The following SLC15A4 variants were observed in gnomAD, a reference collection of about 807,000 sequenced individuals.
SLC15A4 encodes the protein hPHT1.
SLC15A4 carries 26 observed loss-of-function variants against 46.1 expected under a neutral mutation model. The ratio of observed to expected loss-of-function variants is 0.56; its 90% confidence interval spans 0.41 to 0.78. The LOEUF is 0.78. Ranked by LOEUF, SLC15A4 falls within the 30% of genes least tolerant of loss-of-function variation. The pLI, the probability that SLC15A4 is intolerant of heterozygous loss-of-function variation, is 0.00. For missense variants in SLC15A4, 751 were observed against 755.7 expected (o/e 0.99, Z 0.07); for synonymous variants, 370 against 333.4 (o/e 1.11, Z -1.20).
chr12:128,807,564 T>TG (rs1955604833), intron 5 of SLC15A4, among the ~76,000 whole-genome samples: 1 of 152,132 alleles, frequency 6.6e-6, no homozygotes, highest in African/African-American at 2.4e-5. Context: ...GCCTGCGCTT[T>TG]GGGGAGGTAG....
rs1955420217 is a variant in SLC15A4 at position 128,794,277 on chromosome 12, G to A, written c.1653C>T (p.Leu551=). Residue 551 remains leucine, a synonymous_variant, in exon 8 of 8, where the codon CTC becomes CTT. Coordinates refer to ENST00000266771, the MANE Select transcript of SLC15A4 (RefSeq NM_145648.4). ...AIQGATLLLF[L]IISVKYDHHR... ...GATGGTCATATTTCACAGAAATAAT[G>A]AGGAAAAGCAGGAGGGTAGCTCCTT... 1 of 1,613,900 alleles carries A rather than the reference G, an allele frequency of 6.2e-7. No individual in the cohort carries two copies. Among genetic ancestry groups the A allele is most frequent in the South Asian group, 1.1e-5 (1 of 91,088 alleles).
intron 7 of SLC15A4, among the ~76,000 whole-genome samples, chr12:128,797,051 C>G (rs181042760): frequency 5.0e-4 from 76 of 152,262 alleles, no homozygotes; most frequent in Middle Eastern, 3.4e-3. Context: ...GGCCTCTTCA[C>G]AGACAGAAGG....
chr12:128,797,379 A>T (rs1955458606), intron 7 of SLC15A4, among the ~76,000 whole-genome samples: 1 of 127,156 alleles, frequency 7.9e-6, no homozygotes, highest in South Asian at 2.7e-4. Context: ...GGAATAGAAC[A>T]GGTTTACCTT....
In SLC15A4 at chr12:128,815,008, G is replaced by C. The variant is rs1238903523; in HGVS notation, c.609C>G (p.Asn203Lys). ...RFFNWFYWSI[N>K]LGAILSLGGI... ...CACCTAACGACAGGATCGCTCCCAGGTTAATGCTCCAATAAAACCAATTAA... is the reference window on the plus strand; with the variant it reads ...CACCTAACGACAGGATCGCTCCCAGCTTAATGCTCCAATAAAACCAATTAA... Residue 203 changes from asparagine (N) to lysine (K), a missense_variant, in exon 2 of 8, where the codon AAC becomes AAG. Physicochemically the swap from Asn to Lys is moderately conservative, Grantham distance 94. Coordinates refer to ENST00000266771, the MANE Select transcript of SLC15A4 (RefSeq NM_145648.4). 1 of 1,614,042 alleles carries C rather than the reference G, an allele frequency of 6.2e-7. No individual in the cohort carries two copies.
intron 5 of SLC15A4, 145 bp downstream of exon 5, chr12:128,808,643 T>G (rs1297678109): frequency 4.2e-6 from 3 of 715,250 alleles, no homozygotes; most frequent in Non-Finnish European, 6.9e-6. Flanking sequence ...AAAGGATTAG[T>G]GCTGTAAAAT....
chr12:128,795,756 G>A (rs1048998394), intron 7 of SLC15A4, among the ~76,000 whole-genome samples: 5 of 152,216 alleles, frequency 3.3e-5, no homozygotes, highest in South Asian at 2.1e-4. Context: ...CTTTTAGCTC[G>A]TCATGACTGG....
In SLC15A4 at chr12:128,800,927, G is replaced by A. The variant is rs138042982; in HGVS notation, c.1341C>T (p.Ala447=). ...GCACCTGCCACCACAGCGACAGATC[G>A]GCAGCATGGTAGACGACGTTGCCGA... is the stretch of plus-strand genomic sequence containing the variant. ...QTIGNVVYHA[A]DLSLWWQVPQ... is the part of the protein sequence containing the mutation. The change falls in exon 6 of 8, where the codon GCC becomes GCT. Residue 447 remains alanine (A), a synonymous_variant. Transcript: ENST00000266771. 2.5e-4 allele frequency: 399 copies of A among 1,614,136 alleles called. 1 individual carries two copies. Among genetic ancestry groups the A allele is most frequent in the Non-Finnish European group, 3.0e-4 (351 of 1,180,016 alleles).
In SLC15A4 at chr12:128,814,838, A is replaced by G; in HGVS notation, c.779T>C (p.Met260Thr). Reference sequence around the variant, plus strand: ...GCAGGAATACGTCAGTATCTTGAACATGTCGGTGAAGGCACTGCCATCAGG... The same window carrying G: ...GCAGGAATACGTCAGTATCTTGAACGTGTCGGTGAAGGCACTGCCATCAGG... ...KPPDGSAFTDMFKILTYSCCS... is the reference protein window; with the variant it reads ...KPPDGSAFTDTFKILTYSCCS... The change falls in exon 2 of 8, where the codon ATG becomes ACG. Residue 260 changes from methionine to threonine, a missense_variant. Coordinates refer to ENST00000266771, the MANE Select transcript of SLC15A4 (RefSeq NM_145648.4). 1 of 1,614,208 alleles carries G rather than the reference A, an allele frequency of 6.2e-7. No homozygotes were observed. Among genetic ancestry groups the G allele is most frequent in the Non-Finnish European group, 8.5e-7 (1 of 1,180,042 alleles).
intron 1 of SLC15A4, among the ~76,000 whole-genome samples, chr12:128,816,895 A>G (rs888716340): frequency 4.6e-5 from 7 of 152,228 alleles, no homozygotes; most frequent in African/African-American, 1.7e-4. Flanking sequence ...TTGATATGGT[A>G]TTTTAAACTC....
At chr12:128,806,038 G>A (rs920216933) in intron 5 of SLC15A4, among the ~76,000 whole-genome samples, 6 of 151,380 alleles carry the variant, frequency 4.0e-5, no homozygotes, top group Non-Finnish European at 5.9e-5. Flanking sequence ...GCATGGTGGT[G>A]GGCACCTGTA....
intron 5 of SLC15A4, among the ~76,000 whole-genome samples, chr12:128,802,922 G>A (rs1955534519): frequency 6.6e-6 from 1 of 152,154 alleles, no homozygotes; most frequent in Non-Finnish European, 1.5e-5. Context: ...GGATCGGGAC[G>A]GGTGCCCCCA....
rs1296637038 is a variant in SLC15A4, at chr12:128,800,901, G to C, written c.1367C>G (p.Pro456Arg). 1 of 1,614,026 alleles carries C rather than the reference G, an allele frequency of 6.2e-7. No individual in the cohort carries two copies. Among genetic ancestry groups the C allele is most frequent in the South Asian group, 1.1e-5 (1 of 91,068 alleles). ...GCTGATCCCAATCAGCAAGTACTGC[G>C]GCACCTGCCACCACAGCGACAGATC... is the stretch of plus-strand genomic sequence containing the variant. ...AADLSLWWQV[P>R]QYLLIGISEI... is the part of the protein sequence containing the mutation. The change falls in exon 6 of 8, where the codon CCG (proline) becomes CGG (arginine). Residue 456 changes from proline (P) to arginine (R), a missense_variant. Coordinates refer to ENST00000266771, the MANE Select transcript of SLC15A4 (RefSeq NM_145648.4).
At chr12:128,819,757 C>A (rs1653706300) in intron 1 of SLC15A4, 1 of 152,242 alleles carries the variant, frequency 6.6e-6, no homozygotes, top group African/African-American at 2.4e-5. Context: ...GGCACATCTC[C>A]TTTCAACATC....
At chr12:128,801,484 G>A in intron 5 of SLC15A4, 2 of 154,600 alleles carry the variant, frequency 1.3e-5, no homozygotes, top group Non-Finnish European at 2.9e-5. Context: ...TGATAATAAT[G>A]ATGATGATGA....
At chr12:128,821,371 T>C (rs566182698) in intron 1 of SLC15A4, among the ~76,000 whole-genome samples, 7 of 152,218 alleles carry the variant, frequency 4.6e-5, no homozygotes, top group Non-Finnish European at 7.3e-5. Flanking sequence ...CGCACACTTC[T>C]GTGAAGGGGC....
intron 5 of SLC15A4, 116 bp from the exon 6 acceptor site, chr12:128,801,125 A>G: frequency 2.1e-6 from 2 of 962,548 alleles, no homozygotes; most frequent in East Asian, 2.6e-5. Flanking sequence ...GCGTGAAAGG[A>G]CCACGTCTAA....
chr12:128,823,468 G>A lies in SLC15A4; in HGVS notation c.476C>T (p.Ala159Val), dbSNP rs1955880238. The A allele has an allele frequency of 4.0e-6, 6 of 1,482,520 alleles. No individual in the cohort carries two copies. The highest frequency in any genetic ancestry group is 4.4e-6 in the Non-Finnish European group (5 of 1,123,624). 91.8% of individuals were successfully genotyped at this position (1,482,520 alleles called of 1,614,324 possible). A position where few individuals can be genotyped will look rare whatever the true frequency, so the allele number is the denominator to read the frequency against. The change falls in exon 1 of 8, where the codon GCG becomes GTG. Residue 159 changes from alanine (A) to valine (V), a missense_variant. Physicochemically the swap from Ala to Val is moderately conservative, Grantham distance 64. Coordinates refer to ENST00000266771, the MANE Select transcript of SLC15A4 (RefSeq NM_145648.4). ...GCCCAGGCCCACCAGCACCAGCCCC[G>A]CGAAGGTGGCCGGTGAGCAGCAGCG... ...AARCCSPATF[A>V]GLVLVGLGVA...
intron 2 of SLC15A4, chr12:128,814,454 T>C (rs1209625666): frequency 6.7e-6 from 2 of 300,720 alleles, no homozygotes; most frequent in Admixed American, 4.6e-5. Flanking sequence ...GCATGTCTTC[T>C]GTCTCCTCGA....
intron 2 of SLC15A4, among the ~76,000 whole-genome samples, chr12:128,811,866 T>C (rs1955661054): frequency 6.6e-6 from 1 of 152,220 alleles, no homozygotes; most frequent in Non-Finnish European, 1.5e-5. Flanking sequence ...ATCTGAAGCT[T>C]TACTGGGTTA....
Sources: allele counts gnomAD v4.1 joint callset (sites outside exome capture counted in the v4.1 genomes callset), GRCh38; gene constraint gnomAD v4.1.1; transcripts MANE v1.5; gene names NCBI Gene and HGNC (gene_info 2026-07-23, HGNC 2026-07-21).